The following EIF4A3 variants were observed in gnomAD, a reference collection of about 807,000 sequenced individuals.
EIF4A3 encodes eukaryotic translation initiation factor 4A3, also known as eukaryotic initiation factor 4A-III.
EIF4A3 carries 1 observed loss-of-function variant against 55.6 expected under a neutral mutation model. That is an observed-to-expected ratio of 0.02 (90% confidence interval 0.01 to 0.09). The LOEUF (loss-of-function observed/expected upper bound fraction) is 0.09, where lower values mean the gene tolerates loss of function less well. Ranked by LOEUF, EIF4A3 falls within the 10% of genes least tolerant of loss-of-function variation. EIF4A3 has a pLI of 1.00. For synonymous variants in EIF4A3, 194 were observed against 196.3 expected, an observed-to-expected ratio of 0.99 and a Z score of 0.10; for missense variants, 221 against 540.7, an observed-to-expected ratio of 0.41 and a Z score of 5.86.
At chr17:80,141,119 C>A (rs997654843) in intron 4 of EIF4A3, among the ~76,000 whole-genome samples, 200 bp downstream of exon 4, 1 of 151,758 alleles carries the variant, frequency 6.6e-6, no homozygotes, top group African/African-American at 2.4e-5. Flanking sequence ...AAAAAACTAC[C>A]GAGAGCACAC....
chr17:80,139,870 C>T (rs2039603444), intron 5 of EIF4A3, 120 bp from the exon 6 acceptor site: 2 of 1,497,106 alleles, frequency 1.3e-6, no homozygotes, highest in African/African-American at 2.8e-5. Flanking sequence ...TTCCAGAGAC[C>T]TTCCCTCTAC....
chr17:80,139,771 A>G, intron 5 of EIF4A3, 21 bp from the exon 6 acceptor site: 1 of 1,607,410 alleles, frequency 6.2e-7, no homozygotes, highest in South Asian at 1.1e-5. Flanking sequence ...AGATTTTGAA[A>G]TACTTACGAC....
rs998475824 is a variant in EIF4A3 at position 80,137,208 on chromosome 17, G to A, written c.983+178C>T. Reference sequence around the variant, plus strand: ...TTATCACCTCAACCTAAGTATTACAGGAGCACAGCGGACCCCTCCTTAACT... The same window carrying A: ...TTATCACCTCAACCTAAGTATTACAAGAGCACAGCGGACCCCTCCTTAACT... On this transcript the variant is annotated intron_variant, in intron 9 of 11. Transcript: ENST00000649764. The A allele has an allele frequency of 1.4e-5, 7 of 509,834 alleles. No individual in the cohort carries two copies. The East Asian group carries it at 2.3e-4, about 17-fold the overall frequency. 31.6% of individuals were successfully genotyped at this position (509,834 alleles called of 1,614,324 possible).
chr17:80,146,286 C>A (rs975744801), intron 1 of EIF4A3, among the ~76,000 whole-genome samples: 14 of 152,054 alleles, frequency 9.2e-5, no homozygotes, highest in African/African-American at 3.4e-4. Flanking sequence ...TCAAATGGCA[C>A]CCCCTCCTGC....
chr17:80,137,868 T>G (rs2039585661), intron 8 of EIF4A3, among the ~76,000 whole-genome samples: 1 of 152,172 alleles, frequency 6.6e-6, no homozygotes, highest in African/African-American at 2.4e-5. Context: ...CCTGGGGATC[T>G]AAAACTACTC....
intron 2 of EIF4A3, among the ~76,000 whole-genome samples, chr17:80,142,642 G>A (rs1332841831): frequency 6.6e-6 from 1 of 152,220 alleles, no homozygotes; most frequent in Non-Finnish European, 1.5e-5. Flanking sequence ...CTACTTGGGA[G>A]GTTGAGGCGG....
chr17:80,143,458 G>A (rs1455251511), intron 2 of EIF4A3, among the ~76,000 whole-genome samples: 1 of 152,158 alleles, frequency 6.6e-6, no homozygotes, highest in East Asian at 1.9e-4. Context: ...CATGGGGACT[G>A]AGCCGTCAAC....
At chr17:80,137,286 T>G in intron 9 of EIF4A3, 100 bp downstream of exon 9, 1 of 1,008,504 alleles carries the variant, frequency 9.9e-7, no homozygotes, top group East Asian at 2.8e-5. Context: ...AAGCTTGGCA[T>G]CCCCCCGGGT....
chr17:80,143,263 A>G (rs1201269447), intron 2 of EIF4A3, among the ~76,000 whole-genome samples: 2 of 152,072 alleles, frequency 1.3e-5, no homozygotes, highest in African/African-American at 4.8e-5. Flanking sequence ...CCCTCCCCCC[A>G]TATCTGTATC....
At chr17:80,136,154 C>G in intron 10 of EIF4A3, 23 bp from the exon 11 acceptor site, 10 of 1,613,792 alleles carry the variant, frequency 6.2e-6, no homozygotes, top group Non-Finnish European at 8.5e-6. Context: ...AATAATATTA[C>G]AGTTAGTATA....
chr17:80,139,875 C>A, intron 5 of EIF4A3, 125 bp from the exon 6 acceptor site: 1 of 1,502,914 alleles, frequency 6.7e-7, no homozygotes, highest in Non-Finnish European at 9.0e-7. Context: ...GAGACCTTCC[C>A]TCTACCTCCT....
At chr17:80,143,276 C>A (rs1235675543) in intron 2 of EIF4A3, among the ~76,000 whole-genome samples, 1 of 152,182 alleles carries the variant, frequency 6.6e-6, no homozygotes, top group Non-Finnish European at 1.5e-5. Context: ...TCTGTATCCT[C>A]TGCAGTACCC....
At chr17:80,138,421 TC>T in intron 7 of EIF4A3, 141 bp from the exon 8 acceptor site, 1 of 912,416 alleles carries the variant, frequency 1.1e-6, no homozygotes, top group Non-Finnish European at 1.7e-6. Context: ...CCCAGCCCTG[TC>T]CTCCATCCTA....
In EIF4A3 at chr17:80,141,387, GA is replaced by G; in HGVS notation, c.310-7del. ...AAAGCTTGAGTTTCACGAACCTGGT[GA>G]AATAATTTATCAGAAAATAGAGAAT... is the stretch of plus-strand genomic sequence containing the variant. On this transcript the variant is annotated splice_region_variant and splice_polypyrimidine_tract_variant and intron_variant, in intron 3 of 11. Coordinates refer to ENST00000649764, the MANE Select transcript of EIF4A3 (RefSeq NM_014740.4). 1 of 1,613,450 alleles carries G rather than the reference GA, an allele frequency of 6.2e-7. No individual in the cohort carries two copies. Among genetic ancestry groups the G allele is most frequent in the Non-Finnish European group, 8.5e-7 (1 of 1,179,518 alleles).
chr17:80,146,100 T>C (rs1174888537), intron 1 of EIF4A3, among the ~76,000 whole-genome samples: 2 of 152,160 alleles, frequency 1.3e-5, no homozygotes, highest in African/African-American at 2.4e-5. Context: ...TTCGTCACCC[T>C]ACACGTCTTT....
intron 3 of EIF4A3, 137 bp downstream of exon 3, chr17:80,141,645 G>A (rs1215052378): frequency 1.3e-5 from 11 of 825,132 alleles, no homozygotes; most frequent in Non-Finnish European, 2.1e-5. Flanking sequence ...GTACAACTAA[G>A]ACTCTGTGTA....
intron 6 of EIF4A3, 179 bp from the exon 7 acceptor site, chr17:80,139,341 G>A (rs543288496): frequency 1.0e-5 from 8 of 767,684 alleles, no homozygotes; most frequent in Middle Eastern, 3.9e-4. Flanking sequence ...CCTACTCCCC[G>A]CCCACCGGAG....
At chr17:80,142,746 TAACA>T (rs1057377221) in intron 2 of EIF4A3, among the ~76,000 whole-genome samples, 2 of 152,008 alleles carry the variant, frequency 1.3e-5, no homozygotes, top group Non-Finnish European at 2.9e-5. Flanking sequence ...CCCCATATCT[TAACA>T]AAAAAAATGT....
chr17:80,141,291 C>T (rs772100067), intron 4 of EIF4A3, 28 bp downstream of exon 4: 28 of 1,594,564 alleles, frequency 1.8e-5, no homozygotes, highest in African/African-American at 2.7e-5. Flanking sequence ...ACTTGTTAAT[C>T]GGACACCGCT....
Sources: gnomAD v4.1 joint callset for allele counts (sites outside exome capture counted in the v4.1 genomes callset) on GRCh38, gnomAD v4.1.1 for gene constraint, MANE v1.5 for transcripts, NCBI Gene and HGNC (gene_info 2026-07-23, HGNC 2026-07-21) for gene names.